The following ZDHHC15 variants were observed in gnomAD, a reference collection of about 807,000 sequenced individuals.
ZDHHC15 encodes palmitoyltransferase ZDHHC15.
ZDHHC15 carries 19 observed loss-of-function variants against 31.7 expected under a neutral mutation model. The ratio of observed to expected loss-of-function variants is 0.60; its 90% CI spans 0.42 to 0.88. The LOEUF is 0.88. ZDHHC15 is among the 40% of genes least tolerant of loss of function. The pLI is 0.00. For synonymous variants in ZDHHC15, 103 were observed against 90.0 expected (o/e 1.14, Z -0.82); for missense variants, 209 against 251.2 (o/e 0.83, Z 1.14).
chrX:75,389,641 C>A (rs898326071), intron 10 of ZDHHC15, among the ~76,000 whole-genome samples: 2 of 110,580 alleles, frequency 1.8e-5, no homozygotes, highest in Admixed American at 1.9e-4. Flanking sequence ...AGTGAAAGAC[C>A]CAGTCCTGCA....
chrX:75,438,822 T>C (rs1418818520), intron 4 of ZDHHC15, among the ~76,000 whole-genome samples: 1 of 112,412 alleles, frequency 8.9e-6, no homozygotes, highest in Non-Finnish European at 1.9e-5. Flanking sequence ...ATTGAACTCC[T>C]TTTAACATTT....
At chrX:75,435,437 C>T (rs2083838022) in intron 4 of ZDHHC15, among the ~76,000 whole-genome samples, 1 of 111,994 alleles carries the variant, frequency 8.9e-6, no homozygotes, top group Non-Finnish European at 1.9e-5. Flanking sequence ...AGGAACAATG[C>T]TTTCAACTTT....
intron 4 of ZDHHC15, among the ~76,000 whole-genome samples, chrX:75,449,511 T>C (rs959766432): frequency 1.8e-5 from 2 of 111,691 alleles, no homozygotes; most frequent in East Asian, 2.8e-4. Context: ...TTTTACTTGA[T>C]CATTTTAAAC....
chrX:75,476,643 C>G (rs1157184488), intron 3 of ZDHHC15, among the ~76,000 whole-genome samples: 1 of 104,737 alleles, frequency 9.5e-6, no homozygotes, highest in East Asian at 3.0e-4. Context: ...CCTTTCTTCC[C>G]TCCCTCCCTT....
chrX:75,407,263 C>T (rs1206567992), intron 10 of ZDHHC15, among the ~76,000 whole-genome samples: 2 of 111,385 alleles, frequency 1.8e-5, no homozygotes, highest in African/African-American at 3.3e-5. Flanking sequence ...CCAGCCGCCC[C>T]GTCTGAGAAG....
At chrX:75,393,696 G>C (rs181524578) in intron 10 of ZDHHC15, among the ~76,000 whole-genome samples, 8 of 111,693 alleles carry the variant, frequency 7.2e-5, no homozygotes, top group African/African-American at 2.6e-4. Flanking sequence ...TTAATATTCT[G>C]TTCTTCTAGA....
At chrX:75,476,080 T>C (rs1052088372) in intron 3 of ZDHHC15, among the ~76,000 whole-genome samples, 2 of 111,556 alleles carry the variant, frequency 1.8e-5, no homozygotes, top group Non-Finnish European at 3.8e-5. Flanking sequence ...CCTGCAACTT[T>C]GCTGAATTCA....
intron 3 of ZDHHC15, among the ~76,000 whole-genome samples, chrX:75,474,472 C>CCT (rs2084558571): frequency 1.0e-5 from 1 of 97,141 alleles, no homozygotes; most frequent in South Asian, 4.8e-4. Flanking sequence ...CACACACACA[C>CCT]ATATATGTAC....
chrX:75,379,161 C>A lies in ZDHHC15; in HGVS notation c.1005G>T (p.Thr335=). The A allele has an allele frequency of 2.5e-6, 3 of 1,211,039 alleles. No individual in the cohort carries two copies. The highest frequency in any genetic ancestry group is 3.4e-6 in the Non-Finnish European group (3 of 895,008). Reference sequence around the variant, plus strand: ...GGAAATGTGAAAACTGCTATGTTTCCGTTTCCACAGCAAGAGATGATGAGC... The same window carrying A: ...GGAAATGTGAAAACTGCTATGTTTCAGTTTCCACAGCAAGAGATGATGAGC... ...PEGSSSLAVE[T]ET is the part of the protein sequence containing the mutation. Residue 335 remains threonine (T), a synonymous_variant, in exon 11 of 12, where the codon ACG becomes ACT. Transcript: ENST00000373367.
chrX:75,480,595 G>A (rs992327132), intron 2 of ZDHHC15, among the ~76,000 whole-genome samples: 3 of 111,123 alleles, frequency 2.7e-5, no homozygotes, highest in Non-Finnish European at 5.7e-5. Context: ...CCATGACTTT[G>A]TTGTGTATCC....
intron 3 of ZDHHC15, among the ~76,000 whole-genome samples, chrX:75,475,084 T>A (rs1318017422): frequency 2.7e-5 from 3 of 111,535 alleles, no homozygotes; most frequent in African/African-American, 9.8e-5. Context: ...TAAATAAAAA[T>A]AAATAAAAAA....
intron 10 of ZDHHC15, 65 bp downstream of exon 10, chrX:75,417,022 C>T: frequency 1.1e-6 from 1 of 922,420 alleles, no homozygotes; most frequent in African/African-American, 1.9e-5. Flanking sequence ...TTTCTGGACA[C>T]TATTTACTCA....
intron 1 of ZDHHC15, 149 bp downstream of exon 1, chrX:75,522,740 C>A: frequency 1.3e-6 from 1 of 765,780 alleles, no homozygotes; most frequent in Non-Finnish European, 1.8e-6. Context: ...TTGTGGGAAG[C>A]CAGAGGCTGG....
At chrX:75,514,124 A>C (rs1488553913) in intron 1 of ZDHHC15, among the ~76,000 whole-genome samples, 1 of 113,149 alleles carries the variant, frequency 8.8e-6, no homozygotes, top group Non-Finnish European at 1.9e-5. Context: ...GCCAAAGGGC[A>C]TTCTTTAGAA....
intron 3 of ZDHHC15, among the ~76,000 whole-genome samples, chrX:75,454,100 T>C (rs1396298875): frequency 9.0e-6 from 1 of 111,573 alleles, no homozygotes; most frequent in African/African-American, 3.3e-5. Context: ...AGTCAAATTG[T>C]CCCTGTTTGC....
chrX:75,448,962 C>G (rs1208079500), intron 4 of ZDHHC15, among the ~76,000 whole-genome samples: 1 of 110,611 alleles, frequency 9.0e-6, no homozygotes, highest in African/African-American at 3.3e-5. Context: ...CTGAACAGAA[C>G]AAAAATGTGG....
chrX:75,490,013 A>G (rs1419539504), intron 2 of ZDHHC15, among the ~76,000 whole-genome samples: 2 of 111,907 alleles, frequency 1.8e-5, no homozygotes, highest in African/African-American at 6.5e-5. Context: ...AAATGAATGA[A>G]ATGAAGCGAG....
intron 1 of ZDHHC15, among the ~76,000 whole-genome samples, chrX:75,507,038 C>A (rs1057156263): frequency 1.8e-5 from 2 of 111,129 alleles, no homozygotes; most frequent in South Asian, 3.8e-4. Flanking sequence ...CCGGTGAATT[C>A]TCCAGGTGGG....
chrX:75,500,622 T>C (rs961559680), intron 2 of ZDHHC15, among the ~76,000 whole-genome samples: 2 of 110,360 alleles, frequency 1.8e-5, no homozygotes, highest in African/African-American at 6.5e-5. Flanking sequence ...CTATATTGTT[T>C]GACTTTTCAA....
Sources: allele counts gnomAD v4.1 joint callset (sites outside exome capture counted in the v4.1 genomes callset), GRCh38; gene constraint gnomAD v4.1.1; transcripts MANE v1.5; gene names NCBI Gene and HGNC (gene_info 2026-07-23, HGNC 2026-07-21).